NFATC1: variants seen among roughly 807,000 people sequenced by gnomAD.
NFATC1 encodes the protein nuclear factor of activated T cells 1.
A neutral mutation model predicts 76.0 loss-of-function variants in NFATC1; 22 were observed. The observed-to-expected ratio is 0.29, with a 90% CI of 0.21 to 0.41. The LOEUF (loss-of-function observed/expected upper bound fraction) is 0.41, where lower values mean the gene tolerates loss of function less well. Ranked by LOEUF, NFATC1 falls within the 10% of genes least tolerant of loss-of-function variation. The pLI is 1.00. For synonymous variants in NFATC1, 704 were observed against 613.1 expected, an observed-to-expected ratio of 1.15 and a Z score of -2.19; for missense variants, 1,357 against 1,337.7, an observed-to-expected ratio of 1.01 and a Z score of -0.23.
At chr18:79,438,678 G>T (rs1394583319) in intron 3 of NFATC1, among the ~76,000 whole-genome samples, 9 of 152,242 alleles carry the variant, frequency 5.9e-5, no homozygotes, top group Admixed American at 5.2e-4. Flanking sequence ...AAGAGGTGAG[G>T]GCGGGTGGTC....
At chr18:79,442,821 C>G (rs995843854) in intron 3 of NFATC1, among the ~76,000 whole-genome samples, 1 of 152,168 alleles carries the variant, frequency 6.6e-6, no homozygotes, top group African/African-American at 2.4e-5. Flanking sequence ...TCAAGAAACC[C>G]GAGTTTCTCC....
intron 9 of NFATC1, among the ~76,000 whole-genome samples, chr18:79,522,162 T>TG (rs1491382781): frequency 3.6e-5 from 1 of 27,444 alleles, no homozygotes; most frequent in East Asian, 1.3e-3. Context: ...TGTGTGTGTG[T>TG]GGGGGGGTAT....
intron 2 of NFATC1, among the ~76,000 whole-genome samples, chr18:79,427,063 C>T (rs935759152): frequency 3.3e-5 from 5 of 152,102 alleles, no homozygotes; most frequent in Admixed American, 2.0e-4. Flanking sequence ...GCTCTGGGTG[C>T]GGCTGTGGCC....
chr18:79,471,214 C>T (rs2088773899), intron 8 of NFATC1, among the ~76,000 whole-genome samples: 2 of 152,106 alleles, frequency 1.3e-5, no homozygotes, highest in African/African-American at 4.8e-5. Flanking sequence ...TTGGCAGTTC[C>T]GAGAGGTTAT....
At chr18:79,463,713 C>G (rs533859851) in intron 7 of NFATC1, among the ~76,000 whole-genome samples, 3 of 152,258 alleles carry the variant, frequency 2.0e-5, no homozygotes, top group Non-Finnish European at 2.9e-5. Flanking sequence ...GGCTCTCCGT[C>G]CCTCTGCCTG....
intron 1 of NFATC1, among the ~76,000 whole-genome samples, chr18:79,403,527 C>A (rs2085335617): frequency 6.6e-6 from 1 of 152,218 alleles, no homozygotes; most frequent in African/African-American, 2.4e-5. Context: ...TGCTTCCCGC[C>A]CCAGGGCTCC....
intron 2 of NFATC1, among the ~76,000 whole-genome samples, chr18:79,427,934 A>AGGGGGG (rs2086452085): frequency 5.3e-5 from 1 of 18,736 alleles, no homozygotes; most frequent in Non-Finnish European, 9.5e-5. Flanking sequence ...GTGTGGTGGC[A>AGGGGGG]GGGCTGGACA....
rs368527191 is a variant in NFATC1 at position 79,411,445 on chromosome 18, G to A, written c.1170G>A (p.Pro390=). 8.5e-6 allele frequency: 13 copies of A among 1,521,704 alleles called. No individual in the cohort carries two copies. The highest frequency in any genetic ancestry group is 4.0e-5 in the South Asian group (3 of 75,910). 94.3% of individuals were successfully genotyped at this position (1,521,704 alleles called of 1,614,324 possible). A position where few individuals can be genotyped will look rare whatever the true frequency, so the allele number is the denominator to read the frequency against. Residue 390 remains proline, a synonymous_variant, in exon 2 of 10, where the codon CCG becomes CCA. Coordinates refer to ENST00000427363, the MANE Select transcript of NFATC1 (RefSeq NM_001278669.2). The part of the protein sequence containing the change: ...GGFCDQYLAV[P]QHPYQWAKPK... Reference sequence around the variant, plus strand: ...TCTGCGACCAGTACCTGGCGGTGCCGCAGCACCCCTACCAGTGGGCGAAGC... The same window carrying A: ...TCTGCGACCAGTACCTGGCGGTGCCACAGCACCCCTACCAGTGGGCGAAGC...
chr18:79,488,295 T>TG (rs1300346561), intron 9 of NFATC1, among the ~76,000 whole-genome samples: 3 of 104,118 alleles, frequency 2.9e-5, no homozygotes, highest in Non-Finnish European at 3.4e-5. Context: ...CCCGCAGCCC[T>TG]GGTTGTGTGT....
At chr18:79,475,843 C>T (rs1222173131) in intron 8 of NFATC1, among the ~76,000 whole-genome samples, 4 of 152,218 alleles carry the variant, frequency 2.6e-5, no homozygotes, top group Non-Finnish European at 5.9e-5. Flanking sequence ...CGTGCGTGTC[C>T]TCAGAGCGTG....
chr18:79,461,355 C>T lies in NFATC1; in HGVS notation c.1948C>T (p.Leu650=). The T allele has an allele frequency of 6.7e-7, 1 of 1,483,726 alleles. No individual in the cohort carries two copies. Among genetic ancestry groups the T allele is most frequent in the Non-Finnish European group, 8.9e-7 (1 of 1,128,086 alleles). The allele number at this position is 1,483,726 out of a possible 1,614,324, so 91.9% of individuals were successfully genotyped here. A position where few individuals can be genotyped will look rare whatever the true frequency, so the allele number is the denominator to read the frequency against. ...WEMEAKTDRD[L]CKPNSLVVEI... ...GATGGAAGCGAAAACTGACCGGGAC[C>T]TGTGCAAGCCGGTGAGTGCCTTTGG... The change falls in exon 7 of 10, where the codon CTG becomes TTG. Residue 650 remains leucine, a synonymous_variant. Coordinates refer to ENST00000427363, the MANE Select transcript of NFATC1 (RefSeq NM_001278669.2).
chr18:79,508,311 C>G (rs544259140), intron 9 of NFATC1, among the ~76,000 whole-genome samples: 2 of 152,040 alleles, frequency 1.3e-5, no homozygotes, highest in African/African-American at 4.8e-5. Flanking sequence ...CAGAGGGTGC[C>G]GGGCAGGAGG....
In NFATC1 at chr18:79,411,064, C is replaced by T. The variant is rs760714246; in HGVS notation, c.789C>T (p.Cys263=). The stretch of plus-strand genomic sequence containing the variant: ...GCTCCTCCAGACCCGCGTCCCCTTG[C>T]AACAAGAGGAAGTACAGCCTCAACG... ...GARSSRPASP[C]NKRKYSLNGR... is the part of the protein sequence containing the mutation. Residue 263 remains cysteine (C), a synonymous_variant, in exon 2 of 10, where the codon TGC becomes TGT. Transcript: ENST00000427363. The T allele has an allele frequency of 6.2e-7, 1 of 1,612,030 alleles. No homozygotes were observed. The highest frequency in any genetic ancestry group is 8.5e-7 in the Non-Finnish European group (1 of 1,179,518).
intron 1 of NFATC1, among the ~76,000 whole-genome samples, chr18:79,405,363 C>G (rs963733375): frequency 6.6e-6 from 1 of 152,266 alleles, no homozygotes; most frequent in African/African-American, 2.4e-5. Flanking sequence ...GGTCACCGAG[C>G]TCTGTGGTGG....
In NFATC1 at chr18:79,432,004, G is replaced by A. The variant is rs370926583; in HGVS notation, c.1227-1575G>A. ...GCGTGAGCCACCATGCCCGGCCCTT[G>A]TTTTGTTTTTAAGTCACTTTGGGTT... On this transcript the variant is annotated intron_variant, in intron 2 of 9. Coordinates refer to ENST00000427363, the MANE Select transcript of NFATC1 (RefSeq NM_001278669.2). 4.6e-5 allele frequency among the ~76,000 whole-genome samples: 7 copies of A among 152,312 alleles called. No individual in the cohort carries two copies. The East Asian group carries it at 1.4e-3, about 29-fold the overall frequency.
intron 8 of NFATC1, among the ~76,000 whole-genome samples, chr18:79,483,120 T>C (rs1238348820): frequency 1.3e-5 from 1 of 77,410 alleles, no homozygotes; most frequent in Non-Finnish European, 2.5e-5. Context: ...GTTCCTGGGG[T>C]GTAATTCCAG....
Position 79,426,114 on chromosome 18 carries a change from G to A in NFATC1, c.1227-7465G>A, listed in dbSNP as rs752654541. ...GGTCCCAGCTGCTCGGGAGGCTGAG[G>A]TGGGAGGATCCCGTGAGGCCACTGC... On this transcript the variant is annotated intron_variant, in intron 2 of 9. Coordinates refer to ENST00000427363, the MANE Select transcript of NFATC1 (RefSeq NM_001278669.2). Among the ~76,000 whole-genome samples, 133 of 152,188 alleles carry A rather than the reference G, an allele frequency of 8.7e-4. 3 individuals are homozygous for A. The highest frequency in any genetic ancestry group is 7.6e-3 in the Admixed American group (116 of 15,286).
chr18:79,400,150 CG>C (rs1230262202), intron 1 of NFATC1: 16 of 872,974 alleles, frequency 1.8e-5, no homozygotes, highest in East Asian at 8.3e-5. Flanking sequence ...GGGGCGGGGG[CG>C]GGGGGGACAC....
chr18:79,459,579 C>T (rs2087945890), intron 6 of NFATC1, among the ~76,000 whole-genome samples: 2 of 152,166 alleles, frequency 1.3e-5, no homozygotes. Context: ...GTGCCAAAGG[C>T]CTCCACAGCG....
Sources: gnomAD v4.1 joint callset for allele counts (sites outside exome capture counted in the v4.1 genomes callset) on GRCh38, gnomAD v4.1.1 for gene constraint, MANE v1.5 for transcripts, NCBI Gene and HGNC (gene_info 2026-07-23, HGNC 2026-07-21) for gene names.